The following HNRNPH3 variants were observed in gnomAD, a reference collection of about 807,000 sequenced individuals.
HNRNPH3 encodes the protein heterogeneous nuclear ribonucleoprotein 2H9.
HNRNPH3 carries 7 observed loss-of-function variants against 47.0 expected under a neutral mutation model. The observed-to-expected ratio is 0.15, with a 90% CI of 0.08 to 0.28. The LOEUF (loss-of-function observed/expected upper bound fraction) is 0.28. HNRNPH3 is among the 10% of genes least tolerant of loss of function. The pLI is 1.00. For missense variants in HNRNPH3, 279 were observed against 449.6 expected (o/e 0.62, Z 3.43); for synonymous variants, 120 against 143.2 (o/e 0.84, Z 1.16).
rs2046035046 is a variant in HNRNPH3, at chr10:68,342,677, C to G, written c.*623C>G. 1 of 152,558 alleles carries G rather than the reference C, an allele frequency of 6.6e-6. No individual in the cohort carries two copies. The highest frequency in any genetic ancestry group is 2.4e-5 in the African/African-American group (1 of 41,420). The allele number at this position is 152,558 out of a possible 1,614,324, so 9.5% of individuals were successfully genotyped here. The stretch of plus-strand genomic sequence containing the variant: ...TACCTGGGTATGAGAGTGTTGGAAG[C>G]TGAATTCTAGCCCTAGATTTTGGAG... On this transcript the variant is annotated 3_prime_UTR_variant, in exon 10 of 10. Transcript: ENST00000265866.
chr10:68,332,667 G>C (rs989208255), intron 1 of HNRNPH3: 32 of 152,388 alleles, frequency 2.1e-4, no homozygotes, highest in African/African-American at 7.7e-4. Context: ...GGGAAAGGCC[G>C]GGCAGTTGGG....
At chr10:68,335,547 T>TAA (rs1039742618) in intron 1 of HNRNPH3, among the ~76,000 whole-genome samples, 2 of 152,156 alleles carry the variant, frequency 1.3e-5, no homozygotes, top group African/African-American at 4.8e-5. Context: ...ATTAAACTTA[T>TAA]AAAAGCCTTT....
At position 68,338,528 on chromosome 10, in the gene HNRNPH3, A is replaced by G. The variant is rs1245302609; in HGVS notation, c.277A>G (p.Arg93Gly). ...GTATATTGAGATCTTCAGAAGTAGC[A>G]GGAGTGAAATCAAAGGATTTTATGA... ...HRYIEIFRSSRSEIKGFYDPP... is the reference protein window; with the variant it reads ...HRYIEIFRSSGSEIKGFYDPP... The change falls in exon 4 of 10, where the codon AGG (arginine) becomes GGG (glycine). Residue 93 changes from arginine (R) to glycine (G), a missense_variant. Around this residue, in one of 2 missense-constraint regions of HNRNPH3, gnomAD observed 239 missense variants for 335.8 expected, o/e 0.71. Coordinates refer to ENST00000265866, the MANE Select transcript of HNRNPH3 (RefSeq NM_012207.3). 1.2e-6 allele frequency: 2 copies of G among 1,611,198 alleles called. No homozygotes were observed. Among genetic ancestry groups the G allele is most frequent in the Non-Finnish European group, 1.7e-6 (2 of 1,177,640 alleles).
Position 68,337,758 on chromosome 10 carries a change from T to TTGTTG in HNRNPH3, c.113-96_113-95insGTGTT. The TTGTTG allele has an allele frequency of 9.1e-7, 1 of 1,099,612 alleles. No homozygotes were observed. The highest frequency in any genetic ancestry group is 1.3e-6 in the Non-Finnish European group (1 of 772,430). 68.1% of individuals were successfully genotyped at this position (1,099,612 alleles called of 1,614,324 possible). ...GGAAACTAAGCTTTTTTGTTTTGTT[T>TTGTTG]TGTTTTGTTTAGACTTGTTTTAAAT... On this transcript the variant is annotated intron_variant, in intron 2 of 9. Transcript: ENST00000265866. This position sits in a 1 kb window ranked among gnomAD's most constrained non-coding sequence, Gnocchi z 4.5.
rs1333257287 is a variant in HNRNPH3 at position 68,338,604 on chromosome 10, T to C, written c.353T>C (p.Ile118Thr). The C allele has an allele frequency of 6.2e-7, 1 of 1,612,498 alleles. No individual in the cohort carries two copies. The highest frequency in any genetic ancestry group is 8.5e-7 in the Non-Finnish European group (1 of 1,179,250). ...CGACCGGGACCATATGATAGACCAA[T>C]AGGAGGAAGAGGGGGTTATTATGGA... is the stretch of plus-strand genomic sequence containing the variant. ...GQRPGPYDRP[I>T]GGRGGYYGAG... is the part of the protein sequence containing the mutation. The change falls in exon 4 of 10, where the codon ATA becomes ACA. Residue 118 changes from isoleucine (I) to threonine (T), a missense_variant. Physicochemically the swap from Ile to Thr is moderately conservative, Grantham distance 89. Transcript: ENST00000265866.
At chr10:68,338,879 G>A in intron 4 of HNRNPH3, 192 bp downstream of exon 4, 1 of 536,874 alleles carries the variant, frequency 1.9e-6, no homozygotes, top group Non-Finnish European at 3.2e-6. Context: ...AACTTACACA[G>A]AAATTAAAAT....
chr10:68,337,160 T>G lies in HNRNPH3; in HGVS notation c.-23-39T>G. On this transcript the variant is annotated intron_variant, in intron 1 of 9. Transcript: ENST00000265866. This position sits in a 1 kb window ranked among gnomAD's most constrained non-coding sequence, Gnocchi z 4.5. ...TCATTACCTCTTGACAAGAGTATATTTTGATTGACTGCTCTATGTGCTTGT... is the reference window on the plus strand; with the variant it reads ...TCATTACCTCTTGACAAGAGTATATGTTGATTGACTGCTCTATGTGCTTGT... 1.0e-6 allele frequency: 1 copy of G among 986,858 alleles called. No homozygotes were observed. The highest frequency in any genetic ancestry group is 1.6e-6 in the Non-Finnish European group (1 of 627,616). The allele number at this position is 986,858 out of a possible 1,614,324, so 61.1% of individuals were successfully genotyped here.
intron 4 of HNRNPH3, 141 bp downstream of exon 4, chr10:68,338,828 T>C (rs1221284846): frequency 3.2e-6 from 2 of 634,028 alleles, no homozygotes; most frequent in African/African-American, 3.8e-5. Context: ...TTCCCATGGC[T>C]AGCTGTGGGA....
At chr10:68,339,109 G>A (rs2045687109) in intron 4 of HNRNPH3, 31 bp from the exon 5 acceptor site, 2 of 1,497,910 alleles carry the variant, frequency 1.3e-6, no homozygotes, top group South Asian at 1.2e-5. Context: ...TGGAAAGTGT[G>A]TAGTCATGTG....
chr10:68,334,014 T>C (rs552102533), intron 1 of HNRNPH3, among the ~76,000 whole-genome samples: 21 of 152,352 alleles, frequency 1.4e-4, no homozygotes, highest in Non-Finnish European at 2.5e-4. Flanking sequence ...TGTGCCGTTA[T>C]CTGGAAATCC....
intron 4 of HNRNPH3, 43 bp downstream of exon 4, chr10:68,338,730 A>C: frequency 6.9e-7 from 1 of 1,441,478 alleles, no homozygotes; most frequent in Non-Finnish European, 9.4e-7. Flanking sequence ...TCATTTTCTT[A>C]ATGTTCCTGA....
At chr10:68,340,474 T>C (rs2045835731) in intron 6 of HNRNPH3, among the ~76,000 whole-genome samples, 2 of 152,184 alleles carry the variant, frequency 1.3e-5, no homozygotes, top group South Asian at 4.1e-4. Flanking sequence ...TGGTTTCAGA[T>C]TTGTTAGGAG....
chr10:68,332,012 G>C (rs1326450893), upstream of HNRNPH3: 1 of 152,682 alleles, frequency 6.5e-6, no homozygotes, highest in Non-Finnish European at 1.5e-5. Context: ...CGCCTTCGCA[G>C]TTCTCGCTCC....
At chr10:68,334,015 C>T (rs981986469) in intron 1 of HNRNPH3, among the ~76,000 whole-genome samples, 1 of 152,186 alleles carries the variant, frequency 6.6e-6, no homozygotes, top group African/African-American at 2.4e-5. Context: ...GTGCCGTTAT[C>T]TGGAAATCCA....
chr10:68,342,019 G>A lies in HNRNPH3; in HGVS notation c.1006G>A (p.Gly336Ser), dbSNP rs777967068. 2.0e-5 allele frequency: 33 copies of A among 1,613,862 alleles called. No homozygotes were observed. The highest frequency in any genetic ancestry group is 1.7e-4 in the Middle Eastern group (1 of 6,042). ...CAGTGGAGGTTACTATGGGCAAGGC[G>A]GCATGAGTGGAGGTGGATGGCGTGG... ...GGSGGYYGQGGMSGGGWRGMY is the reference protein window; with the variant it reads ...GGSGGYYGQGSMSGGGWRGMY Residue 336 changes from glycine to serine, a missense_variant, in exon 10 of 10, where the codon GGC becomes AGC. Transcript: ENST00000265866.
rs1440761388 is a variant in HNRNPH3 at position 68,342,060 on chromosome 10, A to G, written c.*6A>G. ...GATGGCGTGGGATGTACTGAAAGCAAAAACACCAACATACAAGTCTTGACA... is the reference window on the plus strand; with the variant it reads ...GATGGCGTGGGATGTACTGAAAGCAGAAACACCAACATACAAGTCTTGACA... On this transcript the variant is annotated 3_prime_UTR_variant, in exon 10 of 10. Transcript: ENST00000265866. The G allele has an allele frequency of 6.2e-7, 1 of 1,609,972 alleles. No individual in the cohort carries two copies. The highest frequency in any genetic ancestry group is 2.2e-5 in the East Asian group (1 of 44,820).
chr10:68,339,811 TG>T (rs1200564162), intron 6 of HNRNPH3, among the ~76,000 whole-genome samples: 2 of 151,844 alleles, frequency 1.3e-5, no homozygotes, highest in Non-Finnish European at 2.9e-5. Flanking sequence ...CCCGAGTAGC[TG>T]GAACTATAGG....
In HNRNPH3 at chr10:68,339,603, T is replaced by C. The variant is rs758189624; in HGVS notation, c.639+48T>C. 2.6e-6 allele frequency: 3 copies of C among 1,163,684 alleles called. No homozygotes were observed. The Admixed American group carries it at 5.9e-5, about 23-fold the overall frequency. 72.1% of individuals were successfully genotyped at this position (1,163,684 alleles called of 1,614,324 possible). On this transcript the variant is annotated intron_variant, in intron 6 of 9. Coordinates refer to ENST00000265866, the MANE Select transcript of HNRNPH3 (RefSeq NM_012207.3). ...TAGTGGTTTTATACTTATCCTGGTG[T>C]CTAAATCTTTAAGCATTCTTAATGT...
chr10:68,339,933 T>TA, intron 6 of HNRNPH3, among the ~76,000 whole-genome samples: 1 of 152,220 alleles, frequency 6.6e-6, no homozygotes, highest in East Asian at 1.9e-4. Flanking sequence ...AGTAAAAAGC[T>TA]ACATTCGTGA....
Sources: allele counts gnomAD v4.1 joint callset (sites outside exome capture counted in the v4.1 genomes callset), GRCh38; gene constraint gnomAD v4.1.1; regional missense constraint gnomAD v4.1.1; non-coding constraint Gnocchi (gnomAD v3.1); transcripts MANE v1.5; gene names NCBI Gene and HGNC (gene_info 2026-07-23, HGNC 2026-07-21).